TTC7B: variants seen among roughly 807,000 people sequenced by gnomAD.
TTC7B encodes tetratricopeptide repeat protein 7B.
In TTC7B, 28 loss-of-function variants were observed where a neutral mutation model predicts 106.8. That is an observed-to-expected ratio of 0.26 (90% CI 0.19 to 0.36). The LOEUF (loss-of-function observed/expected upper bound fraction) is 0.36, where lower values mean the gene tolerates loss of function less well. TTC7B is among the 10% of genes least tolerant of loss of function. The pLI is 1.00. For synonymous variants in TTC7B, 405 were observed against 430.6 expected, an observed-to-expected ratio of 0.94 and a Z score of 0.74; for missense variants, 862 against 1,076.4, an observed-to-expected ratio of 0.80 and a Z score of 2.79.
intron 17 of TTC7B, among the ~76,000 whole-genome samples, chr14:90,607,822 C>T (rs1892709319): frequency 6.6e-6 from 1 of 152,140 alleles, no homozygotes; most frequent in Non-Finnish European, 1.5e-5. Context: ...TGCTCAAAAG[C>T]ATACACAGTG....
At chr14:90,793,111 C>A (rs572191861) in intron 1 of TTC7B, among the ~76,000 whole-genome samples, 40 of 151,634 alleles carry the variant, frequency 2.6e-4, no homozygotes, top group African/African-American at 9.6e-4. Context: ...TTCCCCTGTG[C>A]TTTTTCTCTC....
At chr14:90,755,865 G>C (rs1435747490) in intron 3 of TTC7B, among the ~76,000 whole-genome samples, 1 of 152,228 alleles carries the variant, frequency 6.6e-6, no homozygotes, top group African/African-American at 2.4e-5. Context: ...GCTCGGCCCA[G>C]TGCCTGGCAT....
At position 90,657,609 on chromosome 14, in the gene TTC7B, A is replaced by T. The variant is rs3742657; in HGVS notation, c.1237-331T>A. Among the ~76,000 whole-genome samples, 3 of 152,146 alleles carry T rather than the reference A, an allele frequency of 2.0e-5. No homozygotes were observed. Among genetic ancestry groups the T allele is most frequent in the African/African-American group, 7.2e-5 (3 of 41,418 alleles). On this transcript the variant is annotated intron_variant, in intron 10 of 19. Coordinates refer to ENST00000328459, the MANE Select transcript of TTC7B (RefSeq NM_001010854.2). This position sits in a 1 kb window ranked among gnomAD's most constrained non-coding sequence, Gnocchi z 4.2. ...AGGTAAATATCTAATTTAAGGCACAAAATACTGAATTTCTGAATTCACTTA... is the reference window on the plus strand; with the variant it reads ...AGGTAAATATCTAATTTAAGGCACATAATACTGAATTTCTGAATTCACTTA...
intron 18 of TTC7B, among the ~76,000 whole-genome samples, chr14:90,589,770 T>C (rs1243852860): frequency 6.6e-6 from 1 of 152,278 alleles, no homozygotes; most frequent in East Asian, 1.9e-4. Context: ...AGGTATGATA[T>C]GATTCTACAT....
rs116393397 is a variant in TTC7B, at chr14:90,753,930, C to T, written c.446-9008G>A. Among the ~76,000 whole-genome samples the T allele has an allele frequency of 3.0e-3, 452 of 152,298 alleles. 1 individual carries two copies. Among genetic ancestry groups the T allele is most frequent in the African/African-American group, 0.01 (432 of 41,540 alleles). On this transcript the variant is annotated intron_variant, in intron 3 of 19. Transcript: ENST00000328459. ...ATTCTGTGAGCAAATGAGATGCTAG[C>T]TCAACCTGAAATGCTCACTAACTGA...
In TTC7B at chr14:90,539,891, GCCTT is replaced by G. The variant is rs1425203269; in HGVS notation, c.*1473_*1476del. On this transcript the variant is annotated 3_prime_UTR_variant, in exon 20 of 20. Coordinates refer to ENST00000328459, the MANE Select transcript of TTC7B (RefSeq NM_001010854.2). Reference sequence around the variant, plus strand: ...TGAAAGGCAGCAGGAAAGAGCGACAGCCTTCTCTGTGGCTCCCGCTCTGACTGGA... The same window carrying G: ...TGAAAGGCAGCAGGAAAGAGCGACAGCTCTGTGGCTCCCGCTCTGACTGGA... The G allele has an allele frequency of 6.6e-6, 1 of 152,304 alleles. No individual in the cohort carries two copies. Among genetic ancestry groups the G allele is most frequent in the Non-Finnish European group, 1.5e-5 (1 of 68,084 alleles). The allele number at this position is 152,304 out of a possible 1,614,324, so 9.4% of individuals were successfully genotyped here.
chr14:90,623,515 A>G (rs1382212677), intron 15 of TTC7B, among the ~76,000 whole-genome samples: 1 of 152,254 alleles, frequency 6.6e-6, no homozygotes, highest in Non-Finnish European at 1.5e-5. Context: ...TGTGCTGGCT[A>G]TGTTTAATAC....
At chr14:90,710,561 T>C (rs1888405491) in intron 5 of TTC7B, among the ~76,000 whole-genome samples, 1 of 152,208 alleles carries the variant, frequency 6.6e-6, no homozygotes, top group South Asian at 2.1e-4. Flanking sequence ...AAATCTTTTA[T>C]GAAAGGAAGA....
At chr14:90,564,605 A>G (rs974910463) in intron 19 of TTC7B, among the ~76,000 whole-genome samples, 1 of 152,222 alleles carries the variant, frequency 6.6e-6, no homozygotes, top group African/African-American at 2.4e-5. Context: ...AGGCTGTTTC[A>G]TCTACATTAA....
At chr14:90,792,683 A>G (rs1349447036) in intron 1 of TTC7B, among the ~76,000 whole-genome samples, 1 of 152,086 alleles carries the variant, frequency 6.6e-6, no homozygotes, top group Non-Finnish European at 1.5e-5. Flanking sequence ...CCCTTCCCTC[A>G]CGACACCCCA....
intron 7 of TTC7B, among the ~76,000 whole-genome samples, chr14:90,683,419 C>T (rs761292168): frequency 2.0e-5 from 3 of 152,166 alleles, no homozygotes; most frequent in African/African-American, 4.8e-5. Context: ...AGTCCCACCC[C>T]GACCCCAAGT....
chr14:90,794,797 GC>G (rs1439571215), intron 1 of TTC7B, among the ~76,000 whole-genome samples: 1 of 152,098 alleles, frequency 6.6e-6, no homozygotes, highest in African/African-American at 2.4e-5. Flanking sequence ...TGAATTCCCT[GC>G]CACTCACTCT....
intron 9 of TTC7B, among the ~76,000 whole-genome samples, chr14:90,667,438 T>C (rs1373626017): frequency 6.6e-6 from 1 of 152,150 alleles, no homozygotes; most frequent in Non-Finnish European, 1.5e-5. Context: ...AAGAATTGCG[T>C]TTATAGCTGA....
chr14:90,697,394 G>A (rs1887797325), intron 5 of TTC7B: 1 of 152,218 alleles, frequency 6.6e-6, no homozygotes, highest in African/African-American at 2.4e-5. Context: ...CAGGCCCAGT[G>A]AGAGAGTGAG....
In TTC7B at chr14:90,731,103, A is replaced by G. The variant is rs143173543; in HGVS notation, c.577-907T>C. Among the ~76,000 whole-genome samples the G allele has an allele frequency of 2.7e-3, 408 of 149,840 alleles. 3 individuals are homozygous for G. Among genetic ancestry groups the G allele is most frequent in the African/African-American group, 9.8e-3 (400 of 40,756 alleles). ...TGGGACTACAGGTGCCCACCACCAC[A>G]CTTAGCTAATTTTTTTTTTTGTATT... On this transcript the variant is annotated intron_variant, in intron 4 of 19. Coordinates refer to ENST00000328459, the MANE Select transcript of TTC7B (RefSeq NM_001010854.2).
rs1029169518 is a variant in TTC7B at position 90,600,821 on chromosome 14, C to T, written c.1967-7195G>A. Among the ~76,000 whole-genome samples the T allele has an allele frequency of 7.9e-5, 12 of 152,196 alleles. No homozygotes were observed. The highest frequency in any genetic ancestry group is 4.6e-4 in the Admixed American group (7 of 15,290). On this transcript the variant is annotated intron_variant, in intron 17 of 19. Coordinates refer to ENST00000328459, the MANE Select transcript of TTC7B (RefSeq NM_001010854.2). This position sits in a 1 kb window ranked among gnomAD's most constrained non-coding sequence, Gnocchi z 4.3. ...GAGCGAGCCGCTGCCGGTGGCTCTGCGCTAGAGACAGTACCTTCTGGAGGA... is the reference window on the plus strand; with the variant it reads ...GAGCGAGCCGCTGCCGGTGGCTCTGTGCTAGAGACAGTACCTTCTGGAGGA...
chr14:90,758,655 C>G (rs1890399800), intron 3 of TTC7B, among the ~76,000 whole-genome samples: 3 of 152,338 alleles, frequency 2.0e-5, no homozygotes, highest in Non-Finnish European at 4.4e-5. Flanking sequence ...TGATGTGGCC[C>G]TGAGTCAGCT....
chr14:90,593,783 CGGG>C, intron 17 of TTC7B, 157 bp from the exon 18 acceptor site: 1 of 666,998 alleles, frequency 1.5e-6, no homozygotes, highest in Non-Finnish European at 2.2e-6. Flanking sequence ...AATCACGGCC[CGGG>C]GCCTTAGTTT....
intron 2 of TTC7B, among the ~76,000 whole-genome samples, chr14:90,784,570 CAT>C (rs1458711803): frequency 2.0e-5 from 3 of 150,914 alleles, no homozygotes; most frequent in African/African-American, 7.3e-5. Context: ...AAAAAAAAAA[CAT>C]ATGAGATGGA....
Sources: allele counts gnomAD v4.1 joint callset (sites outside exome capture counted in the v4.1 genomes callset), GRCh38; gene constraint gnomAD v4.1.1; non-coding constraint Gnocchi (gnomAD v3.1); transcripts MANE v1.5; gene names NCBI Gene and HGNC (gene_info 2026-07-23, HGNC 2026-07-21).